OSBPL8: variants seen among roughly 807,000 people sequenced by gnomAD.
The protein encoded by OSBPL8 is oxysterol-binding protein-related protein 8.
OSBPL8 carries 59 observed loss-of-function variants against 125.5 expected under a neutral mutation model. That is an observed-to-expected ratio of 0.47 (90% CI 0.38 to 0.58). OSBPL8 has a LOEUF of 0.58. Ranked by LOEUF, OSBPL8 falls within the 20% of genes least tolerant of loss-of-function variation. OSBPL8 has a pLI of 0.00. For synonymous variants in OSBPL8, 330 were observed against 338.9 expected (o/e 0.97, Z 0.29); for missense variants, 758 against 1,047.8 (o/e 0.72, Z 3.82).
chr12:76,503,700 G>A (rs1057322348), intron 1 of OSBPL8, among the ~76,000 whole-genome samples: 50 of 151,926 alleles, frequency 3.3e-4, no homozygotes, highest in African/African-American at 1.1e-3. Flanking sequence ...CACCATGCCC[G>A]GCTAATTTTT....
intron 1 of OSBPL8, among the ~76,000 whole-genome samples, chr12:76,533,132 G>C (rs1482952012): frequency 2.6e-5 from 4 of 152,054 alleles, no homozygotes; most frequent in African/African-American, 9.7e-5. Flanking sequence ...GTCAGACATA[G>C]AACATTTTAA....
chr12:76,367,933 T>C (rs1053313880), intron 21 of OSBPL8, among the ~76,000 whole-genome samples: 32 of 152,378 alleles, frequency 2.1e-4, no homozygotes, highest in African/African-American at 6.3e-4. Flanking sequence ...TTTCATTCAT[T>C]TATTTTTTAA....
chr12:76,524,006 G>A (rs896767108), intron 1 of OSBPL8, among the ~76,000 whole-genome samples: 14 of 152,006 alleles, frequency 9.2e-5, no homozygotes, highest in African/African-American at 2.4e-4. Flanking sequence ...ATTATGATAC[G>A]TTAACTTTTT....
chr12:76,423,229 AG>A (rs1869728073), intron 4 of OSBPL8: 1 of 152,308 alleles, frequency 6.6e-6, no homozygotes, highest in Non-Finnish European at 1.5e-5. Flanking sequence ...TCATAAGGAA[AG>A]ATACTCTTTC....
chr12:76,557,521 A>G (rs1448329786), intron 1 of OSBPL8, among the ~76,000 whole-genome samples: 2 of 151,900 alleles, frequency 1.3e-5, no homozygotes, highest in South Asian at 2.1e-4. Flanking sequence ...AGGCTGAAGC[A>G]TAAGAATCTC....
chr12:76,356,729 C>A lies in OSBPL8; in HGVS notation c.2435-1G>T. On this transcript the variant is annotated splice_acceptor_variant, in intron 22 of 23. Coordinates refer to ENST00000261183, the MANE Select transcript of OSBPL8 (RefSeq NM_020841.5). LOFTEE classifies it high-confidence loss of function. Reference sequence around the variant, plus strand: ...CTTGTACTTGGTTTTACTGATTGAGCTAAAAAGACATTTAGAATGAAGTTG... The same window carrying A: ...CTTGTACTTGGTTTTACTGATTGAGATAAAAAGACATTTAGAATGAAGTTG... The A allele has an allele frequency of 1.3e-6, 2 of 1,566,644 alleles. No homozygotes were observed. Among genetic ancestry groups the A allele is most frequent in the Non-Finnish European group, 1.8e-6 (2 of 1,142,468 alleles).
chr12:76,451,552 A>G lies in OSBPL8; in HGVS notation c.80-564T>C, dbSNP rs1159220587. 3.9e-5 allele frequency among the ~76,000 whole-genome samples: 6 copies of G among 152,230 alleles called. No individual in the cohort carries two copies. In the East Asian group the frequency reaches 1.2e-3, roughly 29 times the overall value. On this transcript the variant is annotated intron_variant, in intron 3 of 23. Coordinates refer to ENST00000261183, the MANE Select transcript of OSBPL8 (RefSeq NM_020841.5). ...GAGATTGCCTTGCCTGAGGCTAAAC[A>G]GTAATAGAGGCAAGATTCTAACTCA...
At chr12:76,374,432 G>C (rs1952735769) in intron 17 of OSBPL8, among the ~76,000 whole-genome samples, 1 of 152,042 alleles carries the variant, frequency 6.6e-6, no homozygotes, top group Non-Finnish European at 1.5e-5. Flanking sequence ...CCAAATAATA[G>C]AAGATGGTGG....
chr12:76,502,977 G>A (rs563239576), intron 1 of OSBPL8, among the ~76,000 whole-genome samples: 1 of 152,122 alleles, frequency 6.6e-6, no homozygotes, highest in East Asian at 1.9e-4. Flanking sequence ...TAGCATTTAA[G>A]TATTGTTAAC....
intron 4 of OSBPL8, among the ~76,000 whole-genome samples, chr12:76,433,740 C>T (rs932707386): frequency 6.6e-6 from 1 of 151,920 alleles, no homozygotes; most frequent in African/African-American, 2.4e-5. Flanking sequence ...TTTGGGAGGC[C>T]AAGGCAGGTG....
intron 1 of OSBPL8, among the ~76,000 whole-genome samples, chr12:76,530,340 G>A (rs914324782): frequency 4.0e-5 from 6 of 149,886 alleles, no homozygotes; most frequent in Non-Finnish European, 5.9e-5. Context: ...TTACAGCTGT[G>A]AGCCACCACA....
chr12:76,494,855 A>G (rs1879114787), intron 1 of OSBPL8, among the ~76,000 whole-genome samples: 1 of 152,206 alleles, frequency 6.6e-6, no homozygotes, highest in Non-Finnish European at 1.5e-5. Flanking sequence ...TGCAGCTCAA[A>G]AAAGAGATCT....
intron 1 of OSBPL8, among the ~76,000 whole-genome samples, chr12:76,549,818 T>C (rs1031570417): frequency 1.5e-4 from 23 of 152,110 alleles, no homozygotes; most frequent in African/African-American, 3.9e-4. Flanking sequence ...GAGAATAGAA[T>C]GGAGACTTTT....
At chr12:76,465,428 C>T (rs1373223722) in intron 2 of OSBPL8, among the ~76,000 whole-genome samples, 2 of 151,830 alleles carry the variant, frequency 1.3e-5, no homozygotes, top group African/African-American at 2.4e-5. Flanking sequence ...GGCGTGGTGG[C>T]GGGCGCCTAT....
At chr12:76,528,330 C>CAA (rs35479771) in intron 1 of OSBPL8, among the ~76,000 whole-genome samples, 90 of 93,544 alleles carry the variant, frequency 9.6e-4, no homozygotes, top group African/African-American at 1.3e-3. Context: ...GACTCCGTCT[C>CAA]AAAAAAAAAA....
intron 1 of OSBPL8, among the ~76,000 whole-genome samples, chr12:76,550,509 C>T (rs1308715616): frequency 2.0e-5 from 3 of 152,160 alleles, no homozygotes; most frequent in African/African-American, 7.2e-5. Context: ...AATCATTTGG[C>T]TTCCCTGGAC....
At position 76,375,312 on chromosome 12, in the gene OSBPL8, T is replaced by C. The variant is rs750370716; in HGVS notation, c.1788A>G (p.Gln596=). 1.9e-6 allele frequency: 3 copies of C among 1,612,232 alleles called. No homozygotes were observed. Among genetic ancestry groups the C allele is most frequent in the South Asian group, 2.2e-5 (2 of 91,030 alleles). Residue 596 remains glutamine, a synonymous_variant, in exon 17 of 24, where the codon CAA becomes CAG. Coordinates refer to ENST00000261183, the MANE Select transcript of OSBPL8 (RefSeq NM_020841.5). ...ELGGTVNITC[Q]KTGYSAILEF... ...CAAGTATTGCACTGTATCCAGTTTT[T>C]TGACATGTAATATTGACTGTTCCAC...
At chr12:76,385,268 C>T (rs1953261746) in intron 14 of OSBPL8, among the ~76,000 whole-genome samples, 1 of 152,140 alleles carries the variant, frequency 6.6e-6, no homozygotes, top group Non-Finnish European at 1.5e-5. Context: ...ATTCTCCTTA[C>T]ACTCAAAGTG....
At chr12:76,390,274 T>A in intron 11 of OSBPL8, 146 bp downstream of exon 11, 3 of 609,180 alleles carry the variant, frequency 4.9e-6, no homozygotes, top group Middle Eastern at 5.5e-4. Context: ...TAAATCCCAA[T>A]ATATTTCATA....
Sources: gnomAD v4.1 joint callset for allele counts (sites outside exome capture counted in the v4.1 genomes callset) on GRCh38, gnomAD v4.1.1 for gene constraint, MANE v1.5 for transcripts, NCBI Gene and HGNC (gene_info 2026-07-23, HGNC 2026-07-21) for gene names.